Variants in ST7L observed in about 807,000 individuals in gnomAD.
ST7L encodes the protein suppressor of tumorigenicity 7 protein-like.
ST7L carries 57 observed loss-of-function variants against 72.5 expected under a neutral mutation model. That is an observed-to-expected ratio of 0.79 (90% CI 0.64 to 0.98). The LOEUF is 0.98. ST7L is among the 50% of genes least tolerant of loss of function. The probability of loss-of-function intolerance (pLI) is 0.00; values close to 1 mark genes in which losing one functional copy is unlikely to be tolerated. For synonymous variants in ST7L, 221 were observed against 240.9 expected (o/e 0.92, Z 0.77); for missense variants, 576 against 672.2 (o/e 0.86, Z 1.58).
downstream of ST7L, chr1:112,520,770 G>A (rs750208453): frequency 6.1e-5 from 32 of 520,590 alleles, no homozygotes; most frequent in Non-Finnish European, 9.9e-5. Flanking sequence ...AGAGATAGGG[G>A]GTCTTTAGAG....
At chr1:112,618,331 G>A (rs189318252) in intron 1 of ST7L, 19 of 947,162 alleles carry the variant, frequency 2.0e-5, no homozygotes, top group Middle Eastern at 1.1e-3. Context: ...TGTTTGTGGC[G>A]CTCTCACTTC....
rs1668967886 is a variant in ST7L, at chr1:112,610,837, T to C, written c.451+4A>G. On this transcript the variant is annotated splice_donor_region_variant and intron_variant, in intron 3 of 14. Coordinates refer to ENST00000358039, the MANE Select transcript of ST7L (RefSeq NM_017744.5). ...CTCTGAAAACACATTAGAAAAGTAG[T>C]CACCTGACAAATTCTGTCTGCTGGT... The C allele has an allele frequency of 6.2e-7, 1 of 1,613,246 alleles. No homozygotes were observed. The highest frequency in any genetic ancestry group is 1.3e-5 in the African/African-American group (1 of 74,894).
At chr1:112,537,223 T>C (rs989330454) in intron 14 of ST7L, among the ~76,000 whole-genome samples, 16 of 152,198 alleles carry the variant, frequency 1.1e-4, no homozygotes, top group Admixed American at 1.3e-4. Flanking sequence ...GGTCTCTAAC[T>C]CCTGACCTCA....
chr1:112,550,527 A>G, intron 13 of ST7L, 74 bp downstream of exon 13: 6 of 1,173,320 alleles, frequency 5.1e-6, no homozygotes, highest in Non-Finnish European at 4.9e-6. Flanking sequence ...AGGCATTTTT[A>G]AAATGGAGAA....
chr1:112,613,141 G>T (rs966419124), intron 2 of ST7L, among the ~76,000 whole-genome samples: 1 of 151,670 alleles, frequency 6.6e-6, no homozygotes, highest in Non-Finnish European at 1.5e-5. Flanking sequence ...GAGAAGATAA[G>T]TACCATCAAG....
chr1:112,568,509 G>T (rs1438134534), intron 11 of ST7L, among the ~76,000 whole-genome samples: 11 of 150,816 alleles, frequency 7.3e-5, no homozygotes, highest in Non-Finnish European at 3.0e-5. Context: ...GCTAATTTTT[G>T]TATTTTTAGT....
intron 14 of ST7L, among the ~76,000 whole-genome samples, chr1:112,533,345 A>G (rs1395391722): frequency 2.6e-5 from 4 of 151,322 alleles, no homozygotes; most frequent in Non-Finnish European, 5.9e-5. Context: ...TTTGAGATGG[A>G]GTCTCGCTCT....
At chr1:112,520,484 A>G (rs1652813484), downstream of ST7L, 2 of 1,614,034 alleles carry the variant, frequency 1.2e-6, no homozygotes, top group Non-Finnish European at 1.7e-6. Flanking sequence ...GCCCCCAAGA[A>G]GGCAGAGTGG....
chr1:112,598,569 G>C (rs1016575781), intron 4 of ST7L, among the ~76,000 whole-genome samples: 2 of 150,694 alleles, frequency 1.3e-5, no homozygotes, highest in Non-Finnish European at 2.9e-5. Context: ...GAGCAATATA[G>C]CGAGATCTTA....
At chr1:112,578,596 A>G (rs904539330) in intron 9 of ST7L, among the ~76,000 whole-genome samples, 179 bp from the exon 10 acceptor site, 1 of 151,938 alleles carries the variant, frequency 6.6e-6, no homozygotes, top group African/African-American at 2.4e-5. Flanking sequence ...CAAAATGGAG[A>G]AACCCCGTCT....
chr1:112,573,006 A>G (rs1442164504), intron 11 of ST7L, among the ~76,000 whole-genome samples: 1 of 152,176 alleles, frequency 6.6e-6, no homozygotes, highest in Non-Finnish European at 1.5e-5. Context: ...AAGATTGGCA[A>G]ATCCCTAAAG....
intron 12 of ST7L, among the ~76,000 whole-genome samples, chr1:112,553,801 G>T (rs1051860309): frequency 1.3e-5 from 2 of 152,334 alleles, no homozygotes; most frequent in African/African-American, 4.8e-5. Context: ...AATGGAGAAT[G>T]ATCTAATGTT....
upstream of ST7L, chr1:112,619,357 A>G: frequency 1.7e-6 from 1 of 579,212 alleles, no homozygotes; most frequent in Non-Finnish European, 3.1e-6. Flanking sequence ...CTGAGATGTG[A>G]CCCCGAAGTG....
At chr1:112,555,247 T>C (rs536143809) in intron 12 of ST7L, among the ~76,000 whole-genome samples, 94 of 152,172 alleles carry the variant, frequency 6.2e-4, no homozygotes, top group African/African-American at 1.8e-3. Flanking sequence ...TTTAAAATAT[T>C]AGAATAGCTC....
intron 11 of ST7L, among the ~76,000 whole-genome samples, chr1:112,556,985 C>CAAAAAAAAAAAAAAAAAA (rs1196828305): frequency 1.3e-4 from 11 of 82,108 alleles, no homozygotes; most frequent in Admixed American, 3.0e-4. Flanking sequence ...AAAAAAAAAA[C>CAAAAAAAAAAAAAAAAAA]AAAAAAAAAA....
chr1:112,569,877 G>A (rs957682827), intron 11 of ST7L, among the ~76,000 whole-genome samples: 2 of 146,040 alleles, frequency 1.4e-5, no homozygotes, highest in African/African-American at 5.0e-5. Context: ...AAAATCGCTT[G>A]AAACCGGGAG....
chr1:112,550,790 CT>C, intron 12 of ST7L, 97 bp from the exon 13 acceptor site: 1 of 945,168 alleles, frequency 1.1e-6, no homozygotes, highest in Non-Finnish European at 1.6e-6. Flanking sequence ...ATACTATTTT[CT>C]TTTTTTAGTG....
At chr1:112,577,222 CAAAAA>C in intron 10 of ST7L, 134 bp from the exon 11 acceptor site, 2 of 302,104 alleles carry the variant, frequency 6.6e-6, no homozygotes, top group South Asian at 8.8e-5. Context: ...AGAGGACTAA[CAAAAA>C]AAAAAAAAAA....
intron 6 of ST7L, among the ~76,000 whole-genome samples, chr1:112,584,341 TTC>T (rs1472756277): frequency 6.7e-6 from 1 of 150,228 alleles, no homozygotes; most frequent in South Asian, 2.1e-4. Context: ...TATCTTTCCC[TTC>T]TCTTTGTTTT....
Sources: gnomAD v4.1 joint callset for allele counts (sites outside exome capture counted in the v4.1 genomes callset) on GRCh38, gnomAD v4.1.1 for gene constraint, MANE v1.5 for transcripts, NCBI Gene and HGNC (gene_info 2026-07-23, HGNC 2026-07-21) for gene names.